The following TCN2 variants were observed in gnomAD, a reference collection of about 807,000 sequenced individuals.
TCN2 encodes the protein transcobalamin-2.
Under a neutral mutation model 48.6 loss-of-function variants are expected in TCN2, and 34 were observed. The ratio of observed to expected loss-of-function variants is 0.70; its 90% CI spans 0.53 to 0.93. The LOEUF (loss-of-function observed/expected upper bound fraction) is 0.93. Among genes scored for constraint, TCN2 ranks in the 40% least tolerant of loss-of-function variants. The pLI is 0.00. For synonymous variants in TCN2, 283 were observed against 212.5 expected, an observed-to-expected ratio of 1.33 and a Z score of -2.89; for missense variants, 652 against 526.1, an observed-to-expected ratio of 1.24 and a Z score of -2.34.
intron 7 of TCN2, among the ~76,000 whole-genome samples, chr22:30,621,213 A>G (rs776433525): frequency 6.6e-6 from 1 of 151,990 alleles, no homozygotes; most frequent in Non-Finnish European, 1.5e-5. Flanking sequence ...GGCTGGTGTC[A>G]AACTCCCAAC....
rs1394493657 is a variant in TCN2, at chr22:30,623,711, TACAGAC to T, written c.1222+632_1222+637del. On this transcript the variant is annotated intron_variant, in intron 8 of 8. Coordinates refer to ENST00000215838, the MANE Select transcript of TCN2 (RefSeq NM_000355.4). ...TACATATATATGAAATATATATATA[TACAGAC>T]ACACATATATATGTATACATATATA... is the stretch of plus-strand genomic sequence containing the variant. Among the ~76,000 whole-genome samples, 13 of 118,524 alleles carry T rather than the reference TACAGAC, an allele frequency of 1.1e-4. No homozygotes were observed. In the South Asian group the frequency reaches 2.4e-3, roughly 22 times the overall value. 77.8% of individuals were successfully genotyped at this position (118,524 alleles called of 152,430 possible). A position where few individuals can be genotyped will look rare whatever the true frequency, so the allele number is the denominator to read the frequency against.
At chr22:30,624,788 A>G (rs936016945) in intron 8 of TCN2, among the ~76,000 whole-genome samples, 2 of 152,186 alleles carry the variant, frequency 1.3e-5, no homozygotes, top group African/African-American at 4.8e-5. Flanking sequence ...TTCTTCCCAA[A>G]TCAACCAGTT....
In TCN2 at chr22:30,615,482, G is replaced by C; in HGVS notation, c.753+9G>C. On this transcript the variant is annotated intron_variant, in intron 5 of 8. Coordinates refer to ENST00000215838, the MANE Select transcript of TCN2 (RefSeq NM_000355.4). ...CCCCATTGGCATTACAGGTGGGAAA[G>C]AGACCCTGGAGCCATGGCCACCCTG... The C allele has an allele frequency of 6.2e-7, 1 of 1,613,948 alleles. No individual in the cohort carries two copies. Among genetic ancestry groups the C allele is most frequent in the Non-Finnish European group, 8.5e-7 (1 of 1,179,954 alleles).
intron 6 of TCN2, among the ~76,000 whole-genome samples, chr22:30,616,281 C>G (rs1277936616): frequency 6.6e-6 from 1 of 151,940 alleles, no homozygotes; most frequent in Non-Finnish European, 1.5e-5. Context: ...GTCAGGAGTT[C>G]GAGACCAGCC....
chr22:30,612,934 C>G lies in TCN2; in HGVS notation c.319C>G (p.Leu107Val). 6.2e-7 allele frequency: 1 copy of G among 1,614,198 alleles called. No individual in the cohort carries two copies. ...QGKPSMGQLA[L>V]YLLALRANCE... ...CAAGCCTTCCATGGGCCAGCTGGCCCTCTACCTGCTCGCTCTCAGAGCCAA... is the reference window on the plus strand; with the variant it reads ...CAAGCCTTCCATGGGCCAGCTGGCCGTCTACCTGCTCGCTCTCAGAGCCAA... The change falls in exon 3 of 9, where the codon CTC (leucine) becomes GTC (valine). Residue 107 changes from leucine (L) to valine (V), a missense_variant. Coordinates refer to ENST00000215838, the MANE Select transcript of TCN2 (RefSeq NM_000355.4).
chr22:30,624,656 C>G (rs935887391), intron 8 of TCN2, among the ~76,000 whole-genome samples: 1 of 152,118 alleles, frequency 6.6e-6, no homozygotes, highest in African/African-American at 2.4e-5. Flanking sequence ...GCTAGGTGGA[C>G]CCAGCCAGGA....
At chr22:30,622,615 A>C (rs968151430) in intron 7 of TCN2, among the ~76,000 whole-genome samples, 1 of 152,098 alleles carries the variant, frequency 6.6e-6, no homozygotes, top group Non-Finnish European at 1.5e-5. Context: ...CTCGTTGTAC[A>C]TTGTACACAT....
At chr22:30,607,445 G>A in intron 1 of TCN2, 50 bp downstream of exon 1, 1 of 1,606,726 alleles carries the variant, frequency 6.2e-7, no homozygotes, top group Non-Finnish European at 8.5e-7. Context: ...GGTCCTTAGT[G>A]GGGTGGCTAG....
Position 30,623,080 on chromosome 22 carries a change from C to G in TCN2, c.1219C>G (p.Gln407Glu). The change falls in exon 8 of 9, where the codon CAA (glutamine) becomes GAA (glutamate). Residue 407 changes from glutamine (Q) to glutamate (E), a missense_variant. Gln to Glu is a conservative substitution (Grantham distance 29, BLOSUM62 2). Transcript: ENST00000215838. ...CCGAGACCCCAACACCCCACTGTTG[C>G]AAGGTGAGTCATGGCCTGACACTCT... ...LLRDPNTPLL[Q>E]GIADYRPKDG... The G allele has an allele frequency of 6.2e-7, 1 of 1,613,944 alleles. No individual in the cohort carries two copies.
rs752337376 is a variant in TCN2, at chr22:30,615,669, G to A, written c.822G>A (p.Leu274=). 16 of 1,614,108 alleles carry A rather than the reference G, an allele frequency of 9.9e-6. No individual in the cohort carries two copies. Among genetic ancestry groups the A allele is most frequent in the East Asian group, 4.5e-5 (2 of 44,896 alleles). ...GTACLKARVA[L]LASLQDGAFQ... ...CATGTCTCAAGGCGAGGGTTGCTTT[G>A]CTGGCCAGTCTGCAGGATGGAGCCT... Residue 274 remains leucine, a synonymous_variant, in exon 6 of 9, where the codon TTG becomes TTA. Transcript: ENST00000215838.
chr22:30,610,338 A>C (rs1248572024), intron 1 of TCN2: 2 of 469,978 alleles, frequency 4.3e-6, no homozygotes, highest in African/African-American at 4.0e-5. Flanking sequence ...TTTGATGTGT[A>C]ACACGTTCTG....
chr22:30,612,227 A>G (rs750060185), intron 2 of TCN2, among the ~76,000 whole-genome samples: 9 of 151,548 alleles, frequency 5.9e-5, no homozygotes, highest in Non-Finnish European at 7.4e-5. Flanking sequence ...CCTGGGAGAC[A>G]GAGAGACCCT....
chr22:30,609,584 TGAG>T (rs1408475610), intron 1 of TCN2, among the ~76,000 whole-genome samples: 1 of 92,572 alleles, frequency 1.1e-5, no homozygotes, highest in African/African-American at 4.7e-5. Flanking sequence ...GAAAGAGAGG[TGAG>T]GAGGGGGGCA....
At chr22:30,608,028 G>A (rs1278892998) in intron 1 of TCN2, among the ~76,000 whole-genome samples, 1 of 152,188 alleles carries the variant, frequency 6.6e-6, no homozygotes, top group African/African-American at 2.4e-5. Context: ...GGTCCTGCCT[G>A]CTCCAGCTCT....
chr22:30,616,082 G>GTTA (rs1216434055), intron 6 of TCN2, among the ~76,000 whole-genome samples: 2 of 151,676 alleles, frequency 1.3e-5, no homozygotes, highest in African/African-American at 4.9e-5. Context: ...GATGAGGAGA[G>GTTA]ACACATTTTG....
intron 7 of TCN2, among the ~76,000 whole-genome samples, chr22:30,620,159 A>G (rs771257486): frequency 1.3e-5 from 2 of 149,578 alleles, no homozygotes; most frequent in Non-Finnish European, 3.0e-5. Context: ...TTTTTTTTTT[A>G]AAAGACAAAG....
At chr22:30,624,793 C>G (rs2087779249) in intron 8 of TCN2, among the ~76,000 whole-genome samples, 1 of 152,168 alleles carries the variant, frequency 6.6e-6, no homozygotes, top group South Asian at 2.1e-4. Flanking sequence ...CCCAAATCAA[C>G]CAGTTGCATA....
intron 3 of TCN2, among the ~76,000 whole-genome samples, 158 bp from the exon 4 acceptor site, chr22:30,614,191 T>C (rs2087578301): frequency 6.6e-6 from 1 of 152,074 alleles, no homozygotes; most frequent in Non-Finnish European, 1.5e-5. Context: ...TGACACACAG[T>C]GAGACCTCAG....
At chr22:30,625,214 A>G (rs2087787668) in intron 8 of TCN2, among the ~76,000 whole-genome samples, 2 of 152,158 alleles carry the variant, frequency 1.3e-5, no homozygotes, top group Non-Finnish European at 2.9e-5. Context: ...GTGAAACTCC[A>G]TCTCAAAATG....
Sources: allele counts gnomAD v4.1 joint callset (sites outside exome capture counted in the v4.1 genomes callset), GRCh38; gene constraint gnomAD v4.1.1; transcripts MANE v1.5; gene names NCBI Gene and HGNC (gene_info 2026-07-23, HGNC 2026-07-21).